AGO2: variants seen among roughly 807,000 people sequenced by gnomAD.
The protein encoded by AGO2 is protein argonaute-2.
AGO2 carries 5 observed loss-of-function variants against 102.3 expected under a neutral mutation model. The observed-to-expected ratio is 0.05, with a 90% CI of 0.03 to 0.10. The LOEUF (loss-of-function observed/expected upper bound fraction) is 0.10, where lower values mean the gene tolerates loss of function less well. Among genes scored for constraint, AGO2 ranks in the 10% least tolerant of loss-of-function variants. The pLI is 1.00. For synonymous variants in AGO2, 449 were observed against 473.1 expected (o/e 0.95, Z 0.66); for missense variants, 541 against 1,183.7 (o/e 0.46, Z 7.97).
At chr8:140,635,348 G>A in intron 1 of AGO2, 137 bp downstream of exon 1, 2 of 531,580 alleles carry the variant, frequency 3.8e-6, no homozygotes, top group Non-Finnish European at 4.8e-6. Context: ...CGCGGCCCCG[G>A]CTCGCCCGCC....
intron 3 of AGO2, among the ~76,000 whole-genome samples, chr8:140,566,223 G>A (rs888666922): frequency 6.6e-6 from 1 of 152,142 alleles, no homozygotes; most frequent in African/African-American, 2.4e-5. Flanking sequence ...TTGTGACAGT[G>A]ATCCAATTGG....
rs138974476 is a variant in AGO2 at position 140,606,384 on chromosome 8, T to A, written c.23-21073A>T. Among the ~76,000 whole-genome samples the A allele has an allele frequency of 1.5e-3, 232 of 152,362 alleles. 1 individual carries two copies. The highest frequency in any genetic ancestry group is 5.3e-3 in the African/African-American group (221 of 41,584). On this transcript the variant is annotated intron_variant, in intron 1 of 18. Transcript: ENST00000220592. ...TTGGAAACAGCAAGTTTAAGTGACA[T>A]GATGTTTAACAAATCCATTTTTTTC...
intron 11 of AGO2, among the ~76,000 whole-genome samples, chr8:140,550,615 CTCTTCCTATTTTTTT>C (rs1407529974): frequency 6.6e-6 from 1 of 152,188 alleles, no homozygotes; most frequent in East Asian, 1.9e-4. Flanking sequence ...ATTTCACCTT[CTCTTCCTATTTTTTT>C]TCTTGAGATG....
chr8:140,588,512 G>A (rs939463612), intron 1 of AGO2, among the ~76,000 whole-genome samples: 2 of 151,274 alleles, frequency 1.3e-5, no homozygotes, highest in Non-Finnish European at 2.9e-5. Context: ...GTTACTGGAA[G>A]AATGGCGCCA....
intron 17 of AGO2, among the ~76,000 whole-genome samples, chr8:140,534,677 C>A (rs2072664110): frequency 6.6e-6 from 1 of 152,234 alleles, no homozygotes; most frequent in Non-Finnish European, 1.5e-5. Flanking sequence ...GTACAAAGTT[C>A]ATAGCAAATC....
chr8:140,552,914 G>A (rs1309504726), intron 10 of AGO2, among the ~76,000 whole-genome samples: 2 of 152,208 alleles, frequency 1.3e-5, no homozygotes, highest in Non-Finnish European at 2.9e-5. Flanking sequence ...TCCAGACACT[G>A]CCAGATGTCC....
intron 13 of AGO2, among the ~76,000 whole-genome samples, chr8:140,545,886 G>T (rs916941849): frequency 6.6e-6 from 1 of 152,196 alleles, no homozygotes; most frequent in Admixed American, 6.5e-5. Flanking sequence ...GCTCACCCCA[G>T]CTCACCAGAG....
chr8:140,553,414 T>TG (rs1302627731), intron 10 of AGO2, among the ~76,000 whole-genome samples: 3 of 150,068 alleles, frequency 2.0e-5, no homozygotes, highest in African/African-American at 7.4e-5. Flanking sequence ...GTTTTTTGTT[T>TG]TTTTTTTTTT....
In AGO2 at chr8:140,531,194, CTTACA is replaced by C. The variant is rs1011095000; in HGVS notation, c.*845_*849del. On this transcript the variant is annotated 3_prime_UTR_variant, in exon 19 of 19. Transcript: ENST00000220592. The stretch of plus-strand genomic sequence containing the variant: ...GCAAACCAGATATATATATTCTTCT[CTTACA>C]TTAAAGACATAACAGTGAAAAAGGA... 12 of 152,506 alleles carry C rather than the reference CTTACA, an allele frequency of 7.9e-5. No individual in the cohort carries two copies. The highest frequency in any genetic ancestry group is 3.3e-4 in the Admixed American group (5 of 15,280). The allele number at this position is 152,506 out of a possible 1,614,324, so 9.4% of individuals were successfully genotyped here. A position where few individuals can be genotyped will look rare whatever the true frequency, so the allele number is the denominator to read the frequency against.
intron 1 of AGO2, among the ~76,000 whole-genome samples, chr8:140,603,000 G>A (rs998037885): frequency 1.1e-4 from 17 of 152,324 alleles, no homozygotes; most frequent in African/African-American, 2.9e-4. Context: ...GCCGTGCCAC[G>A]TGCAGTGTTC....
chr8:140,535,597 C>T (rs1021552568), intron 16 of AGO2, 28 bp from the exon 17 acceptor site: 1 of 1,611,064 alleles, frequency 6.2e-7, no homozygotes, highest in African/African-American at 1.3e-5. Context: ...TCTCGTTAGA[C>T]ACGGCCAGGG....
intron 1 of AGO2, among the ~76,000 whole-genome samples, chr8:140,605,504 C>T (rs1418599650): frequency 2.0e-5 from 3 of 152,192 alleles, no homozygotes; most frequent in Non-Finnish European, 2.9e-5. Context: ...GTGCAGGGCT[C>T]TGGGGTAGGG....
intron 2 of AGO2, among the ~76,000 whole-genome samples, 164 bp downstream of exon 2, chr8:140,584,955 C>T (rs1204453150): frequency 2.0e-5 from 3 of 151,604 alleles, no homozygotes; most frequent in Non-Finnish European, 4.4e-5. Flanking sequence ...TTTTTCAATC[C>T]GTAGGTTTGA....
chr8:140,558,619 G>A lies in AGO2; in HGVS notation c.791-47C>T, dbSNP rs372902448. On this transcript the variant is annotated intron_variant, in intron 6 of 18. Transcript: ENST00000220592. ...ATCGGCATCGGGGCTGTCCCGACCT[G>A]AGTGCAGGCGCCACTTGCGAGAATC... is the stretch of plus-strand genomic sequence containing the variant. 71 of 1,584,362 alleles carry A rather than the reference G, an allele frequency of 4.5e-5. No homozygotes were observed. The Admixed American group carries it at 7.6e-4, about 17-fold the overall frequency.
rs2072444687 is a variant in AGO2, at chr8:140,523,153, C to T, written c.*8891G>A. On this transcript the variant is annotated 3_prime_UTR_variant, in exon 19 of 19. Transcript: ENST00000220592. ...TGGTTTCTATATTGCAAGCACAAGA[C>T]ATGGTCACATGGTTCCACTGTACAG... The T allele has an allele frequency of 6.6e-6, 1 of 152,192 alleles. No individual in the cohort carries two copies. Among genetic ancestry groups the T allele is most frequent in the Non-Finnish European group, 1.5e-5 (1 of 68,038 alleles). The allele number at this position is 152,192 out of a possible 1,614,324, so 9.4% of individuals were successfully genotyped here.
chr8:140,532,382 C>A (rs2072613771), intron 18 of AGO2, 34 bp downstream of exon 18: 2 of 1,593,368 alleles, frequency 1.3e-6, no homozygotes, highest in South Asian at 1.1e-5. Flanking sequence ...AAAAACCACC[C>A]CTGCTGTGAC....
chr8:140,578,059 C>T (rs2073494565), intron 2 of AGO2, among the ~76,000 whole-genome samples: 1 of 152,240 alleles, frequency 6.6e-6, no homozygotes, highest in African/African-American at 2.4e-5. Flanking sequence ...ACCACTCAGG[C>T]CTCCGCCGCC....
chr8:140,600,675 C>T lies in AGO2; in HGVS notation c.23-15364G>A, dbSNP rs1481254898. Among the ~76,000 whole-genome samples the T allele has an allele frequency of 3.7e-4, 54 of 144,742 alleles. 1 individual carries two copies. The highest frequency in any genetic ancestry group is 2.6e-3 in the Admixed American group (39 of 14,924). 95.0% of individuals were successfully genotyped at this position (144,742 alleles called of 152,430 possible). A position where few individuals can be genotyped will look rare whatever the true frequency, so the allele number is the denominator to read the frequency against. On this transcript the variant is annotated intron_variant, in intron 1 of 18. Transcript: ENST00000220592. The stretch of plus-strand genomic sequence containing the variant: ...AGTCTGGGCAACAAGAGCGAAACTC[C>T]GTGTCAAAAAAAAAAAAAAATCCAA...
chr8:140,575,365 T>G (rs2073448171), intron 2 of AGO2, among the ~76,000 whole-genome samples: 1 of 151,982 alleles, frequency 6.6e-6, no homozygotes, highest in South Asian at 2.1e-4. Flanking sequence ...TGACCTGCTC[T>G]GGGCTGCCCA....
Sources: allele counts gnomAD v4.1 joint callset (sites outside exome capture counted in the v4.1 genomes callset), GRCh38; gene constraint gnomAD v4.1.1; transcripts MANE v1.5; gene names NCBI Gene and HGNC (gene_info 2026-07-23, HGNC 2026-07-21).